The following PLXDC2 variants were observed in gnomAD, a reference collection of about 807,000 sequenced individuals.
PLXDC2 encodes the protein plexin domain-containing protein 2.
PLXDC2 carries 40 observed loss-of-function variants against 68.9 expected under a neutral mutation model. The ratio of observed to expected loss-of-function variants is 0.58; its 90% CI spans 0.45 to 0.76. The LOEUF (loss-of-function observed/expected upper bound fraction) is 0.76. Among genes scored for constraint, PLXDC2 ranks in the 30% least tolerant of loss-of-function variants. The pLI is 0.00. For synonymous variants in PLXDC2, 243 were observed against 234.2 expected (o/e 1.04, Z -0.34); for missense variants, 644 against 661.9 (o/e 0.97, Z 0.30).
chr10:19,926,179 C>G (rs1227804291), intron 1 of PLXDC2, among the ~76,000 whole-genome samples: 1 of 152,306 alleles, frequency 6.6e-6, no homozygotes, highest in Middle Eastern at 3.4e-3. Context: ...GTTACTCACA[C>G]AGCAATCTCT....
At position 20,249,354 on chromosome 10, in the gene PLXDC2, C is replaced by T. The variant is rs564042659; in HGVS notation, c.1473+3849C>T. Among the ~76,000 whole-genome samples, 26 of 152,294 alleles carry T rather than the reference C, an allele frequency of 1.7e-4. No individual in the cohort carries two copies. The South Asian group carries it at 2.1e-3, about 12-fold the overall frequency. The stretch of plus-strand genomic sequence containing the variant: ...TGCTGTTGTAACAAATTGCCACAAA[C>T]CTAGTTACTTAAAATAACACACACT... On this transcript the variant is annotated intron_variant, in intron 13 of 13. Transcript: ENST00000377252.
chr10:19,875,319 A>G (rs1368746262), intron 1 of PLXDC2, among the ~76,000 whole-genome samples: 1 of 152,238 alleles, frequency 6.6e-6, no homozygotes, highest in African/African-American at 2.4e-5. Context: ...CTGTGTCACA[A>G]AAAGTAGGTA....
chr10:19,821,586 A>G (rs921743701), intron 1 of PLXDC2, among the ~76,000 whole-genome samples: 1 of 152,258 alleles, frequency 6.6e-6, no homozygotes, highest in African/African-American at 2.4e-5. Flanking sequence ...ACCAATAAAT[A>G]GTTGCAATAA....
intron 1 of PLXDC2, among the ~76,000 whole-genome samples, chr10:19,826,953 A>C (rs1437974048): frequency 6.6e-6 from 1 of 152,174 alleles, no homozygotes; most frequent in Non-Finnish European, 1.5e-5. Context: ...GTTTTTAGCA[A>C]CTGCATCTAC....
intron 1 of PLXDC2, among the ~76,000 whole-genome samples, chr10:19,912,054 C>G (rs1011655696): frequency 6.6e-6 from 1 of 152,148 alleles, no homozygotes; most frequent in Non-Finnish European, 1.5e-5. Context: ...TTATTTTTCT[C>G]AAACTGATTC....
intron 12 of PLXDC2, among the ~76,000 whole-genome samples, chr10:20,239,108 G>T (rs1227002321): frequency 2.0e-5 from 3 of 152,006 alleles, no homozygotes; most frequent in Non-Finnish European, 4.4e-5. Context: ...AATACACAAG[G>T]TAAGGCTTAA....
chr10:20,192,824 T>C (rs954046970), intron 9 of PLXDC2, among the ~76,000 whole-genome samples: 26 of 152,020 alleles, frequency 1.7e-4, no homozygotes, highest in African/African-American at 5.8e-4. Context: ...TGGACAAGAA[T>C]GCATTTGTAA....
At chr10:20,104,483 T>A (rs1197239829) in intron 4 of PLXDC2, among the ~76,000 whole-genome samples, 1 of 152,154 alleles carries the variant, frequency 6.6e-6, no homozygotes, top group Non-Finnish European at 1.5e-5. Flanking sequence ...CAGCATTCTG[T>A]AATACATATT....
At chr10:19,877,647 A>G (rs1015282855) in intron 1 of PLXDC2, among the ~76,000 whole-genome samples, 29 of 152,230 alleles carry the variant, frequency 1.9e-4, no homozygotes, top group Admixed American at 1.8e-3. Context: ...TAGTGGATCG[A>G]TGAAGTAGAT....
rs552819409 is a variant in PLXDC2, at chr10:20,272,438, A to G, written c.1474-7265A>G. Among the ~76,000 whole-genome samples the G allele has an allele frequency of 5.3e-5, 8 of 152,116 alleles. No homozygotes were observed. In the East Asian group the frequency reaches 1.5e-3, roughly 29 times the overall value. On this transcript the variant is annotated intron_variant, in intron 13 of 13. Coordinates refer to ENST00000377252, the MANE Select transcript of PLXDC2 (RefSeq NM_032812.9). ...AAAAAGTAATTATTTAAAAAAATGAAGTCAAAAAAGGAAAAAAAAAATTCA... is the reference window on the plus strand; with the variant it reads ...AAAAAGTAATTATTTAAAAAAATGAGGTCAAAAAAGGAAAAAAAAAATTCA...
chr10:19,895,712 T>G (rs542230023), intron 1 of PLXDC2, among the ~76,000 whole-genome samples: 1 of 152,100 alleles, frequency 6.6e-6, no homozygotes, highest in Non-Finnish European at 1.5e-5. Flanking sequence ...GTCAGGCCCC[T>G]GAAGGAAGCT....
intron 4 of PLXDC2, among the ~76,000 whole-genome samples, chr10:20,082,341 A>G (rs1272887123): frequency 1.3e-5 from 2 of 151,970 alleles, no homozygotes; most frequent in Non-Finnish European, 2.9e-5. Context: ...TGATGTCGGT[A>G]GTATGGGAAA....
At chr10:20,103,528 G>A (rs1014107080) in intron 4 of PLXDC2, among the ~76,000 whole-genome samples, 1 of 151,938 alleles carries the variant, frequency 6.6e-6, no homozygotes, top group Admixed American at 6.6e-5. Flanking sequence ...GTTGTAAAGG[G>A]GTGCAGAGGA....
intron 1 of PLXDC2, among the ~76,000 whole-genome samples, chr10:19,947,761 C>T (rs1168578437): frequency 9.0e-6 from 1 of 111,282 alleles, no homozygotes; most frequent in Non-Finnish European, 1.8e-5. Flanking sequence ...CAAGTTATAA[C>T]TTTTACTATA....
At chr10:20,246,153 G>A (rs1296801309) in intron 13 of PLXDC2, among the ~76,000 whole-genome samples, 2 of 152,202 alleles carry the variant, frequency 1.3e-5, no homozygotes, top group Non-Finnish European at 2.9e-5. Context: ...CGGAATGTAG[G>A]TTTAGTGCCA....
At chr10:19,823,649 C>T (rs112380540) in intron 1 of PLXDC2, among the ~76,000 whole-genome samples, 3,819 of 150,808 alleles carry the variant, frequency 0.025, 141 homozygotes, top group African/African-American at 0.087. Context: ...TCCAGCTGGG[C>T]GACAGAGCAA....
intron 1 of PLXDC2, among the ~76,000 whole-genome samples, chr10:19,842,423 A>T (rs949579640): frequency 1.3e-5 from 2 of 152,184 alleles, no homozygotes; most frequent in African/African-American, 2.4e-5. Context: ...TTTAGGGTTC[A>T]GCTAAATGTA....
chr10:19,917,890 C>G (rs1198730040), intron 1 of PLXDC2, among the ~76,000 whole-genome samples: 4 of 152,162 alleles, frequency 2.6e-5, no homozygotes, highest in Non-Finnish European at 5.9e-5. Context: ...ATCAGTTTTT[C>G]CTCATGTTAA....
At chr10:19,946,911 A>G (rs1833911084) in intron 1 of PLXDC2, among the ~76,000 whole-genome samples, 3 of 152,048 alleles carry the variant, frequency 2.0e-5, no homozygotes, top group Non-Finnish European at 4.4e-5. Context: ...GCAGATACAG[A>G]TGGAGCTCAC....
Sources: gnomAD v4.1 joint callset for allele counts (sites outside exome capture counted in the v4.1 genomes callset) on GRCh38, gnomAD v4.1.1 for gene constraint, MANE v1.5 for transcripts, NCBI Gene and HGNC (gene_info 2026-07-23, HGNC 2026-07-21) for gene names.